The following TBC1D4 variants were observed in gnomAD, a reference collection of about 807,000 sequenced individuals.
TBC1D4 encodes the protein TBC (Tre-2, BUB2, CDC16) domain-containing protein.
In TBC1D4, 121 loss-of-function variants were observed where a neutral mutation model predicts 142.5. The observed-to-expected ratio is 0.85, with a 90% CI of 0.73 to 0.99. The LOEUF (loss-of-function observed/expected upper bound fraction) is 0.99. Ranked by LOEUF, TBC1D4 falls within the 50% of genes least tolerant of loss-of-function variation. TBC1D4 has a pLI of 0.00. For synonymous variants in TBC1D4, 630 were observed against 628.2 expected (o/e 1.00, Z -0.04); for missense variants, 1,475 against 1,606.6 (o/e 0.92, Z 1.40).
chr13:75,360,086 T>C (rs1333999827), intron 2 of TBC1D4, among the ~76,000 whole-genome samples: 1 of 102,062 alleles, frequency 9.8e-6, no homozygotes, highest in Non-Finnish European at 2.2e-5. Context: ...AAGTTAGTCT[T>C]CAATTATTAT....
At chr13:75,437,301 AG>A (rs1385174381) in intron 1 of TBC1D4, among the ~76,000 whole-genome samples, 6 of 152,304 alleles carry the variant, frequency 3.9e-5, no homozygotes, top group East Asian at 3.9e-4. Flanking sequence ...CGAAGCATTA[AG>A]GGGGCAGGAC....
intron 1 of TBC1D4, among the ~76,000 whole-genome samples, chr13:75,385,529 T>G (rs1483733665): frequency 6.6e-6 from 1 of 152,236 alleles, no homozygotes. Flanking sequence ...AAAGAGACGC[T>G]GATAACAGCC....
intron 1 of TBC1D4, among the ~76,000 whole-genome samples, chr13:75,477,362 A>G (rs555397006): frequency 6.6e-6 from 1 of 152,350 alleles, no homozygotes; most frequent in Admixed American, 6.5e-5. Context: ...TTGGGAAAAC[A>G]CTGGCATTAA....
At chr13:75,358,915 C>G in intron 3 of TBC1D4, among the ~76,000 whole-genome samples, 1 of 152,046 alleles carries the variant, frequency 6.6e-6, no homozygotes, top group East Asian at 1.9e-4. Flanking sequence ...TTGTTAACTT[C>G]AAAGGGAAGA....
intron 9 of TBC1D4, among the ~76,000 whole-genome samples, chr13:75,326,663 G>A (rs1879292695): frequency 6.6e-6 from 1 of 152,184 alleles, no homozygotes. Context: ...TGGATAAGCA[G>A]CTGTAAGACA....
chr13:75,308,890 T>TA (rs1311230023), intron 14 of TBC1D4, among the ~76,000 whole-genome samples: 2 of 152,162 alleles, frequency 1.3e-5, no homozygotes, highest in Non-Finnish European at 2.9e-5. Flanking sequence ...ACAGCGATTT[T>TA]AAAAAATGTG....
chr13:75,432,929 G>A (rs536036399), intron 1 of TBC1D4, among the ~76,000 whole-genome samples: 19 of 146,888 alleles, frequency 1.3e-4, no homozygotes, highest in Admixed American at 3.4e-4. Context: ...GCGACAGACC[G>A]AGACTGACTC....
At chr13:75,307,211 C>CTCAT (rs1393446167) in intron 14 of TBC1D4, among the ~76,000 whole-genome samples, 2 of 152,204 alleles carry the variant, frequency 1.3e-5, no homozygotes, top group Non-Finnish European at 2.9e-5. Context: ...ATCCTCCTAC[C>CTCAT]TCAGCCTCCC....
intron 18 of TBC1D4, among the ~76,000 whole-genome samples, chr13:75,293,047 CG>C (rs1421953042): frequency 5.3e-5 from 8 of 152,014 alleles, no homozygotes; most frequent in African/African-American, 1.9e-4. Flanking sequence ...CTTAGCTACT[CG>C]GGAGGCTGAG....
Position 75,341,582 on chromosome 13 carries a change from A to G in TBC1D4, c.1414T>C (p.Tyr472His). The G allele has an allele frequency of 3.7e-6, 6 of 1,613,612 alleles. No homozygotes were observed. Among genetic ancestry groups the G allele is most frequent in the Non-Finnish European group, 4.2e-6 (5 of 1,179,578 alleles). Reference sequence around the variant, plus strand: ...ATCACCAGCTTGGCTCTTGGTGGGTAGAGACCTAAGGAAAATGATGAGGGA... The same window carrying G: ...ATCACCAGCTTGGCTCTTGGTGGGTGGAGACCTAAGGAAAATGATGAGGGA... Reference protein sequence around the residue: ...HKLCERIEGLYPPRAKLVIQR... With the variant: ...HKLCERIEGLHPPRAKLVIQR... Residue 472 changes from tyrosine (Y) to histidine (H), a missense_variant, in exon 6 of 21, where the codon TAC (tyrosine) becomes CAC (histidine). By Grantham distance (83) the Tyr-to-His change is moderately conservative. This residue lies in a region of TBC1D4 where 1,227 missense variants were observed against 1,267.7 expected (regional missense o/e 0.97). Coordinates refer to ENST00000377636, the MANE Select transcript of TBC1D4 (RefSeq NM_014832.5).
chr13:75,445,539 ATCT>A (rs1219884021), intron 1 of TBC1D4, among the ~76,000 whole-genome samples: 1 of 152,214 alleles, frequency 6.6e-6, no homozygotes, highest in Non-Finnish European at 1.5e-5. Flanking sequence ...AAACTGTAAA[ATCT>A]TCTATAAAAT....
chr13:75,440,310 C>T (rs1344186039), intron 1 of TBC1D4, among the ~76,000 whole-genome samples: 2 of 151,932 alleles, frequency 1.3e-5, no homozygotes, highest in East Asian at 3.9e-4. Context: ...TAAGCTGGGC[C>T]AGATTATATC....
chr13:75,466,565 G>T (rs934611564), intron 1 of TBC1D4, among the ~76,000 whole-genome samples: 1 of 152,034 alleles, frequency 6.6e-6, no homozygotes, highest in South Asian at 2.1e-4. Flanking sequence ...CGGTAGTAGC[G>T]TGGCTTTTAA....
At chr13:75,327,095 C>A (rs1879332134) in intron 9 of TBC1D4, among the ~76,000 whole-genome samples, 1 of 152,124 alleles carries the variant, frequency 6.6e-6, no homozygotes. Context: ...GGGTAGAAAT[C>A]ATAAATCTCT....
intron 7 of TBC1D4, among the ~76,000 whole-genome samples, chr13:75,340,299 AT>A (rs1409382834): frequency 6.6e-6 from 1 of 152,210 alleles, no homozygotes; most frequent in Admixed American, 6.5e-5. Flanking sequence ...TCAAGAGTAA[AT>A]ATTTCACAAT....
chr13:75,458,668 C>T (rs1272080501), intron 1 of TBC1D4, among the ~76,000 whole-genome samples: 1 of 152,134 alleles, frequency 6.6e-6, no homozygotes, highest in Non-Finnish European at 1.5e-5. Flanking sequence ...AGGTAGAAAA[C>T]CTTTTAACTA....
chr13:75,478,915 C>A (rs1888723355), intron 1 of TBC1D4, among the ~76,000 whole-genome samples: 2 of 152,244 alleles, frequency 1.3e-5, no homozygotes. Context: ...CTAAAGCCAT[C>A]TCTCAGATGT....
At chr13:75,312,424 A>AAAAAGAAAGAAAG (rs1555301657) in intron 13 of TBC1D4, among the ~76,000 whole-genome samples, 1 of 136,004 alleles carries the variant, frequency 7.4e-6, no homozygotes, top group East Asian at 2.0e-4. Context: ...GGGAAAAAAA[A>AAAAAGAAAGAAAG]AAAGAAAGAA....
intron 14 of TBC1D4, among the ~76,000 whole-genome samples, chr13:75,307,502 T>C (rs1487087427): frequency 1.3e-5 from 2 of 152,174 alleles, no homozygotes; most frequent in Non-Finnish European, 2.9e-5. Context: ...TTCTCTTCAT[T>C]AGGATCACGG....
Sources: allele counts gnomAD v4.1 joint callset (sites outside exome capture counted in the v4.1 genomes callset), GRCh38; gene constraint gnomAD v4.1.1; regional missense constraint gnomAD v4.1.1; transcripts MANE v1.5; gene names NCBI Gene and HGNC (gene_info 2026-07-23, HGNC 2026-07-21).